Variants in METTL21C observed in about 807,000 individuals in gnomAD.
METTL21C encodes the protein protein-lysine methyltransferase METTL21C.
A neutral mutation model predicts 25.9 loss-of-function variants in METTL21C; 21 were observed. The ratio of observed to expected loss-of-function variants is 0.81; its 90% confidence interval spans 0.58 to 1.17. The LOEUF (loss-of-function observed/expected upper bound fraction) is 1.17, where lower values mean the gene tolerates loss of function less well. Ranked by LOEUF, METTL21C falls within the 50% of genes most tolerant of loss-of-function variation. METTL21C has a pLI of 0.00. For synonymous variants in METTL21C, 125 were observed against 124.7 expected, an observed-to-expected ratio of 1.00 and a Z score of -0.01; for missense variants, 312 against 315.1, an observed-to-expected ratio of 0.99 and a Z score of 0.07.
the METTL21C span, among the ~76,000 whole-genome samples, chr13:102,703,867 TTAAATG>T: frequency 6.6e-6 from 1 of 152,230 alleles, no homozygotes; most frequent in East Asian, 1.9e-4. Flanking sequence ...CATTGTTCTA[TTAAATG>T]TAAATGACTT....
Position 102,687,013 on chromosome 13 carries a change from C to G in METTL21C, c.327G>C (p.Leu109Phe), listed in dbSNP as rs148307139. 3.8e-4 allele frequency: 609 copies of G among 1,614,164 alleles called. 1 individual carries two copies. Among genetic ancestry groups the G allele is most frequent in the Admixed American group, 7.2e-4 (43 of 60,030 alleles). The change falls in exon 3 of 4, where the codon TTG becomes TTC. Residue 109 changes from leucine (L) to phenylalanine (F), a missense_variant. Physicochemically the swap from Leu to Phe is conservative, Grantham distance 22. Transcript: ENST00000267273. Reference protein sequence around the residue: ...CQYLEEHAEELNFQDAKILEI... With the variant: ...CQYLEEHAEEFNFQDAKILEI... ...CAAGTATTTTTGCATCTTGGAAATT[C>G]AATTCCTCGGCATGTTCCTCCAAGT...
chr13:102,690,279 G>C (rs886592848), intron 2 of METTL21C, among the ~76,000 whole-genome samples: 2 of 152,130 alleles, frequency 1.3e-5, no homozygotes, highest in Non-Finnish European at 2.9e-5. Context: ...AAATTAGCCA[G>C]GCATGGTGGC....
In METTL21C at chr13:102,685,958, G is replaced by T. The variant is rs1677004241; in HGVS notation, c.*73C>A. The T allele has an allele frequency of 4.1e-6, 6 of 1,457,894 alleles. No homozygotes were observed. In the South Asian group the frequency reaches 8.4e-5, roughly 20 times the overall value. The allele number at this position is 1,457,894 out of a possible 1,614,324, so 90.3% of individuals were successfully genotyped here. ...CTACCTTCTCAATCCTGTGAAAGAA[G>T]TCTATTACCAAAGCAATTTCTAACA... On this transcript the variant is annotated 3_prime_UTR_variant, in exon 4 of 4. Transcript: ENST00000267273.
intron 3 of METTL21C, 32 bp from the exon 4 acceptor site, chr13:102,686,457 C>T: frequency 6.3e-7 from 1 of 1,581,836 alleles, no homozygotes; most frequent in Non-Finnish European, 8.6e-7. Flanking sequence ...GACCTGGAAA[C>T]ATCTGGGCAG....
upstream of METTL21C, among the ~76,000 whole-genome samples, chr13:102,698,144 G>A (rs79357755): frequency 0.057 from 8,710 of 152,188 alleles, 730 homozygotes; most frequent in African/African-American, 0.19. Context: ...GGTGCTCAGA[G>A]GGTCCTCGAT....
chr13:102,689,095 A>ATTATT (rs11419397), intron 2 of METTL21C, among the ~76,000 whole-genome samples: 9,773 of 151,596 alleles, frequency 0.064, 321 homozygotes, highest in Non-Finnish European at 0.082. Flanking sequence ...TTTTTTTTAA[A>ATTATT]ATTATTATTT....
At position 102,694,596 on chromosome 13, in the gene METTL21C, A is replaced by G; in HGVS notation, c.-98T>C. 1 of 147,274 alleles carries G rather than the reference A, an allele frequency of 6.8e-6. No individual in the cohort carries two copies. Among genetic ancestry groups the G allele is most frequent in the Non-Finnish European group, 8.0e-6 (1 of 125,084 alleles). 9.1% of individuals were successfully genotyped at this position (147,274 alleles called of 1,614,324 possible). On this transcript the variant is annotated 5_prime_UTR_variant, in exon 1 of 4. Coordinates refer to ENST00000267273, the MANE Select transcript of METTL21C (RefSeq NM_001010977.3). ...CTGTTACTAGTTCAGCACATCTATG[A>G]TCTACATCGCATGTTCGTAATTAAT...
Position 102,693,146 on chromosome 13 carries a change from C to T in METTL21C, c.130+1223G>A, listed in dbSNP as rs1885871617. ...ACCTCGCCACTGTGTAGTGTTCCTA[C>T]CGTACAGACACCACAGACACGATTA... is the stretch of plus-strand genomic sequence containing the variant. On this transcript the variant is annotated intron_variant, in intron 1 of 3. Coordinates refer to ENST00000267273, the MANE Select transcript of METTL21C (RefSeq NM_001010977.3). Among the ~76,000 whole-genome samples, 4 of 152,064 alleles carry T rather than the reference C, an allele frequency of 2.6e-5. No individual in the cohort carries two copies. The South Asian group carries it at 8.3e-4, about 32-fold the overall frequency.
chr13:102,693,976 C>T (rs536551485), intron 1 of METTL21C, among the ~76,000 whole-genome samples: 3 of 152,190 alleles, frequency 2.0e-5, no homozygotes, highest in Non-Finnish European at 2.9e-5. Flanking sequence ...ATTGTCCTAA[C>T]GGGGAAATAC....
intron 3 of METTL21C, among the ~76,000 whole-genome samples, chr13:102,686,662 C>T (rs1885683311): frequency 6.6e-6 from 1 of 152,188 alleles, no homozygotes; most frequent in Admixed American, 6.5e-5. Flanking sequence ...AGCTCCCCCA[C>T]CTCACCTCAC....
At chr13:102,703,595 G>A in the METTL21C span, among the ~76,000 whole-genome samples, 3,611 of 152,308 alleles carry the variant, frequency 0.024, 53 homozygotes, top group Non-Finnish European at 0.035. Flanking sequence ...ATTATTCAGC[G>A]ACGCTCGTTA....
the METTL21C span, among the ~76,000 whole-genome samples, chr13:102,702,319 C>T: frequency 1.3e-5 from 2 of 151,950 alleles, no homozygotes; most frequent in Non-Finnish European, 2.9e-5. Flanking sequence ...ATAATACACA[C>T]ATTAAATGGA....
At chr13:102,697,400 C>T (rs1380601768), upstream of METTL21C, among the ~76,000 whole-genome samples, 1 of 152,128 alleles carries the variant, frequency 6.6e-6, no homozygotes. Context: ...TGCAAAACCT[C>T]CTACAATGCA....
At chr13:102,702,733 G>A in the METTL21C span, among the ~76,000 whole-genome samples, 1 of 152,096 alleles carries the variant, frequency 6.6e-6, no homozygotes, top group East Asian at 1.9e-4. Context: ...TGGGATTACA[G>A]GCATGTGCCA....
At chr13:102,697,624 A>G (rs907835694), upstream of METTL21C, among the ~76,000 whole-genome samples, 4 of 152,086 alleles carry the variant, frequency 2.6e-5, no homozygotes, top group Non-Finnish European at 5.9e-5. Flanking sequence ...GTGGATTTGC[A>G]TTGATAGAGG....
upstream of METTL21C, among the ~76,000 whole-genome samples, chr13:102,697,280 G>C (rs1210128767): frequency 1.3e-5 from 2 of 152,094 alleles, no homozygotes; most frequent in East Asian, 3.9e-4. Context: ...TGGTTCTCAA[G>C]GGGGAGTCCT....
chr13:102,693,049 C>T (rs1462848543), intron 1 of METTL21C, among the ~76,000 whole-genome samples: 1 of 152,060 alleles, frequency 6.6e-6, no homozygotes, highest in Non-Finnish European at 1.5e-5. Flanking sequence ...TTGACGATTG[C>T]TCTGGAGTAA....
intron 2 of METTL21C, among the ~76,000 whole-genome samples, chr13:102,689,223 C>T (rs1455254925): frequency 6.6e-6 from 1 of 152,172 alleles, no homozygotes; most frequent in Non-Finnish European, 1.5e-5. Context: ...AGCCACATGC[C>T]CGGCCTCTGA....
chr13:102,695,909 C>T (rs527484393), upstream of METTL21C, among the ~76,000 whole-genome samples: 11 of 152,086 alleles, frequency 7.2e-5, no homozygotes, highest in Non-Finnish European at 1.6e-4. Context: ...TTGCAATGTA[C>T]GTGAATATAT....
Sources: gnomAD v4.1 joint callset for allele counts (sites outside exome capture counted in the v4.1 genomes callset) on GRCh38, gnomAD v4.1.1 for gene constraint, MANE v1.5 for transcripts, NCBI Gene and HGNC (gene_info 2026-07-23, HGNC 2026-07-21) for gene names.